SAMD4A: variants seen among roughly 807,000 people sequenced by gnomAD.
The protein encoded by SAMD4A is sterile alpha motif domain containing 4A.
A neutral mutation model predicts 81.3 loss-of-function variants in SAMD4A; 33 were observed. The ratio of observed to expected loss-of-function variants is 0.41; its 90% confidence interval spans 0.31 to 0.54. The LOEUF (loss-of-function observed/expected upper bound fraction) is 0.54, where lower values mean the gene tolerates loss of function less well. Ranked by LOEUF, SAMD4A falls within the 20% of genes least tolerant of loss-of-function variation. SAMD4A has a pLI of 0.37. For missense variants in SAMD4A, 854 were observed against 951.1 expected (o/e 0.90, Z 1.34); for synonymous variants, 389 against 382.1 (o/e 1.02, Z -0.21).
At chr14:54,679,287 C>G (rs1413131862) in intron 2 of SAMD4A, among the ~76,000 whole-genome samples, 2 of 152,192 alleles carry the variant, frequency 1.3e-5, no homozygotes. Flanking sequence ...AGCAGTATCC[C>G]TTATCACTTA....
At chr14:54,650,048 G>A (rs923682095) in intron 2 of SAMD4A, among the ~76,000 whole-genome samples, 1 of 152,176 alleles carries the variant, frequency 6.6e-6, no homozygotes, top group South Asian at 2.1e-4. Context: ...TTGAAGAACC[G>A]TAAGGGAATA....
At position 54,567,988 on chromosome 14, in the gene SAMD4A, T is replaced by G; in HGVS notation, c.72T>G (p.Val24=). 6.2e-7 allele frequency: 1 copy of G among 1,609,934 alleles called. No individual in the cohort carries two copies. Among genetic ancestry groups the G allele is most frequent in the Non-Finnish European group, 8.5e-7 (1 of 1,179,588 alleles). The change falls in exon 2 of 13, where the codon GTT becomes GTG. Residue 24 remains valine, a synonymous_variant. Coordinates refer to ENST00000554335, the MANE Select transcript of SAMD4A (RefSeq NM_015589.6). ...FKGWNECEQT[V]ALLSLLKRVS... Reference sequence around the variant, plus strand: ...GCTGGAACGAGTGCGAGCAGACTGTTGCGCTGCTGTCGCTGCTCAAGCGCG... The same window carrying G: ...GCTGGAACGAGTGCGAGCAGACTGTGGCGCTGCTGTCGCTGCTCAAGCGCG...
rs923810788 is a variant in SAMD4A at position 54,764,547 on chromosome 14, AGTG to A, written c.1596+8_1596+10del. 6.3e-7 allele frequency: 1 copy of A among 1,577,266 alleles called. No individual in the cohort carries two copies. Among genetic ancestry groups the A allele is most frequent in the Non-Finnish European group, 8.6e-7 (1 of 1,159,338 alleles). ...CAAGTGTCTAATTCATGAGGTGAGT[AGTG>A]ACAGGTTTTACAAAACCATTTTTTT... is the stretch of plus-strand genomic sequence containing the variant. On this transcript the variant is annotated splice_region_variant and intron_variant, in intron 8 of 12. Coordinates refer to ENST00000554335, the MANE Select transcript of SAMD4A (RefSeq NM_015589.6).
At chr14:54,638,916 G>T (rs995010098) in intron 2 of SAMD4A, among the ~76,000 whole-genome samples, 2 of 152,182 alleles carry the variant, frequency 1.3e-5, no homozygotes, top group Non-Finnish European at 2.9e-5. Context: ...AGAGTTTACT[G>T]CCTAAATTAA....
intron 9 of SAMD4A, among the ~76,000 whole-genome samples, chr14:54,771,472 CAGA>C (rs1472614425): frequency 5.3e-5 from 8 of 152,132 alleles, no homozygotes. Flanking sequence ...GGATGATGAG[CAGA>C]AAAGATTGTT....
At chr14:54,612,123 G>A (rs1041747648) in intron 2 of SAMD4A, among the ~76,000 whole-genome samples, 3 of 152,136 alleles carry the variant, frequency 2.0e-5, no homozygotes, top group African/African-American at 7.2e-5. Context: ...GTGGATTTGA[G>A]TTGCTACTTT....
chr14:54,613,010 G>A (rs1162013645), intron 2 of SAMD4A, among the ~76,000 whole-genome samples: 9 of 152,178 alleles, frequency 5.9e-5, no homozygotes, highest in East Asian at 1.9e-4. Flanking sequence ...CCAGCTACTC[G>A]GGAGGCTGAG....
chr14:54,663,584 G>A (rs973206346), intron 2 of SAMD4A, among the ~76,000 whole-genome samples: 5 of 152,100 alleles, frequency 3.3e-5, no homozygotes, highest in Non-Finnish European at 5.9e-5. Context: ...TGCACCTTAG[G>A]AGGGGATTTA....
intron 2 of SAMD4A, among the ~76,000 whole-genome samples, chr14:54,621,495 G>A (rs2034614348): frequency 2.0e-5 from 3 of 151,656 alleles, no homozygotes; most frequent in African/African-American, 7.3e-5. Flanking sequence ...GACTATAGGC[G>A]GGCACCACCA....
intron 9 of SAMD4A, among the ~76,000 whole-genome samples, chr14:54,774,652 C>CAAAAAAAAAAAAA (rs1286823182): frequency 9.7e-5 from 13 of 134,078 alleles, no homozygotes; most frequent in Admixed American, 2.2e-4. Context: ...CCATCTCTAC[C>CAAAAAAAAAAAAA]AAAAAAAAAA....
chr14:54,647,077 C>A (rs1566564764), intron 2 of SAMD4A, among the ~76,000 whole-genome samples: 1 of 152,170 alleles, frequency 6.6e-6, no homozygotes, highest in Non-Finnish European at 1.5e-5. Context: ...TATCTGAAGG[C>A]ATTCATTTGA....
intron 2 of SAMD4A, among the ~76,000 whole-genome samples, chr14:54,679,562 GT>G (rs2036080759): frequency 6.6e-6 from 1 of 152,162 alleles, no homozygotes; most frequent in Admixed American, 6.6e-5. Flanking sequence ...AGGAGTGAAG[GT>G]CTTTAAATGA....
At chr14:54,635,819 C>G (rs1159499740) in intron 2 of SAMD4A, among the ~76,000 whole-genome samples, 3 of 152,082 alleles carry the variant, frequency 2.0e-5, no homozygotes, top group Non-Finnish European at 4.4e-5. Context: ...ACCACCAGGA[C>G]TTGAAATTTC....
intron 6 of SAMD4A, 42 bp from the exon 7 acceptor site, chr14:54,760,119 A>T: frequency 3.1e-6 from 5 of 1,590,542 alleles, no homozygotes; most frequent in Non-Finnish European, 4.3e-6. Flanking sequence ...GATGACCCTT[A>T]TTCCTGAGCC....
chr14:54,669,445 C>CT (rs11406251), intron 2 of SAMD4A, among the ~76,000 whole-genome samples: 75,267 of 103,790 alleles, frequency 0.73, 28,396 homozygotes, highest in East Asian at 0.93. Flanking sequence ...ACGCTTCTTT[C>CT]TTTTTTTTTT....
chr14:54,582,445 C>G lies in SAMD4A; in HGVS notation c.196+14333C>G, dbSNP rs143647565. The stretch of plus-strand genomic sequence containing the variant: ...TGTTTGTGCGAGGACAAAGAAGATG[C>G]CTCAAAGACAAAGAAGAAGATGCCT... On this transcript the variant is annotated intron_variant, in intron 2 of 12. Transcript: ENST00000554335. Among the ~76,000 whole-genome samples, 270 of 152,204 alleles carry G rather than the reference C, an allele frequency of 1.8e-3. 1 individual carries two copies. The highest frequency in any genetic ancestry group is 5.8e-3 in the South Asian group (28 of 4,816).
rs28418605 is a variant in SAMD4A, at chr14:54,570,665, C to G, written c.196+2553C>G. Among the ~76,000 whole-genome samples the G allele has an allele frequency of 6.9e-3, 1,054 of 152,254 alleles. 7 individuals carry two copies. The highest frequency in any genetic ancestry group is 0.024 in the African/African-American group (992 of 41,534). Reference sequence around the variant, plus strand: ...CTCAATTGACCTTGTAGGCACCACTCTATAATAACATAAACAAATAATTGC... The same window carrying G: ...CTCAATTGACCTTGTAGGCACCACTGTATAATAACATAAACAAATAATTGC... On this transcript the variant is annotated intron_variant, in intron 2 of 12. Coordinates refer to ENST00000554335, the MANE Select transcript of SAMD4A (RefSeq NM_015589.6).
intron 4 of SAMD4A, among the ~76,000 whole-genome samples, chr14:54,738,236 G>A (rs550799234): frequency 1.3e-5 from 2 of 152,298 alleles, no homozygotes; most frequent in South Asian, 4.1e-4. Flanking sequence ...CCTTGTGAAT[G>A]ATCAGTGTTG....
chr14:54,647,058 A>G (rs2035301764), intron 2 of SAMD4A, among the ~76,000 whole-genome samples: 2 of 152,248 alleles, frequency 1.3e-5, no homozygotes, highest in African/African-American at 4.8e-5. Flanking sequence ...AGTAATATCT[A>G]TTACATTGTA....
Sources: gnomAD v4.1 joint callset for allele counts (sites outside exome capture counted in the v4.1 genomes callset) on GRCh38, gnomAD v4.1.1 for gene constraint, MANE v1.5 for transcripts, NCBI Gene and HGNC (gene_info 2026-07-23, HGNC 2026-07-21) for gene names.